OR2C1: variants seen among roughly 807,000 people sequenced by gnomAD.
OR2C1 encodes olfactory receptor family 2 subfamily C member 1.
For synonymous variants in OR2C1, 209 were observed against 167.3 expected (o/e 1.25, Z -1.92); for missense variants, 468 against 388.3 (o/e 1.21, Z -1.73).
upstream of OR2C1, among the ~76,000 whole-genome samples, chr16:3,354,069 C>A (rs67547123): frequency 0.27 from 40,620 of 150,898 alleles, 5,614 homozygotes; most frequent in African/African-American, 0.29. Flanking sequence ...CTGCAACTTC[C>A]GCCTCCCTGT....
the OR2C1 span, among the ~76,000 whole-genome samples, chr16:3,338,183 T>C: frequency 6.6e-6 from 1 of 152,166 alleles, no homozygotes; most frequent in Non-Finnish European, 1.5e-5. Context: ...ATCACTCTGA[T>C]TTGGTGTCTC....
the OR2C1 span, among the ~76,000 whole-genome samples, chr16:3,336,130 G>T: frequency 2.6e-5 from 4 of 152,120 alleles, no homozygotes. Context: ...ATCATAAAGA[G>T]ATGTTGAATT....
At chr16:3,331,326 A>G in the OR2C1 span, among the ~76,000 whole-genome samples, 1 of 151,374 alleles carries the variant, frequency 6.6e-6, no homozygotes, top group Non-Finnish European at 1.5e-5. Context: ...ATTTTCTCCC[A>G]TTTTGTAGGT....
the OR2C1 span, among the ~76,000 whole-genome samples, chr16:3,342,849 G>A: frequency 1.3e-5 from 2 of 152,080 alleles, no homozygotes; most frequent in Non-Finnish European, 1.5e-5. Context: ...TCTAGACTGG[G>A]CAACAAAGCA....
the OR2C1 span, among the ~76,000 whole-genome samples, chr16:3,326,842 T>C: frequency 6.6e-6 from 1 of 152,176 alleles, no homozygotes; most frequent in Non-Finnish European, 1.5e-5. Context: ...AGCCTTAGGA[T>C]GAAATCAGCA....
chr16:3,347,819 AAC>A, the OR2C1 span, among the ~76,000 whole-genome samples: 3 of 123,998 alleles, frequency 2.4e-5, no homozygotes, highest in East Asian at 3.1e-4. Context: ...TGCACACACG[AAC>A]ACACATGCAC....
the OR2C1 span, among the ~76,000 whole-genome samples, chr16:3,347,698 A>G: frequency 6.6e-6 from 1 of 152,142 alleles, no homozygotes; most frequent in African/African-American, 2.4e-5. Flanking sequence ...CAATATGCCT[A>G]GGATGTTCTT....
chr16:3,323,697 G>A, the OR2C1 span: 21 of 684,444 alleles, frequency 3.1e-5, no homozygotes, highest in Non-Finnish European at 3.9e-5. Context: ...TCCAAGGCAC[G>A]AGGTTTCATT....
At chr16:3,355,242 C>T (rs2030641850), upstream of OR2C1, among the ~76,000 whole-genome samples, 3 of 151,610 alleles carry the variant, frequency 2.0e-5, no homozygotes, top group African/African-American at 7.3e-5. Context: ...GCTGGCATAT[C>T]ACGAGGTCAG....
chr16:3,358,071 C>T (rs2030713733), downstream of OR2C1, among the ~76,000 whole-genome samples: 1 of 151,974 alleles, frequency 6.6e-6, no homozygotes, highest in Non-Finnish European at 1.5e-5. Flanking sequence ...TACCCTCTCC[C>T]TTATGCCTAT....
At chr16:3,357,695 T>A (rs1327664490), downstream of OR2C1, among the ~76,000 whole-genome samples, 1 of 152,122 alleles carries the variant, frequency 6.6e-6, no homozygotes, top group African/African-American at 2.4e-5. Flanking sequence ...AATAATGCAG[T>A]ATACCACTGG....
At chr16:3,334,104 C>G in the OR2C1 span, among the ~76,000 whole-genome samples, 2 of 151,482 alleles carry the variant, frequency 1.3e-5, no homozygotes, top group African/African-American at 4.9e-5. Flanking sequence ...TTCTGAGTAG[C>G]TGGAACTACG....
the OR2C1 span, among the ~76,000 whole-genome samples, chr16:3,350,241 A>C: frequency 6.7e-6 from 1 of 149,022 alleles, no homozygotes; most frequent in Non-Finnish European, 1.5e-5. Flanking sequence ...TTTTTAGTAG[A>C]GAGGGGGTTT....
the OR2C1 span, among the ~76,000 whole-genome samples, chr16:3,347,271 G>GC: frequency 7.3e-6 from 1 of 136,222 alleles, no homozygotes; most frequent in Non-Finnish European, 1.6e-5. Flanking sequence ...AAAAAAAGGA[G>GC]CCAAGGATGG....
chr16:3,358,034 A>G, downstream of OR2C1, among the ~76,000 whole-genome samples: 1 of 151,974 alleles, frequency 6.6e-6, no homozygotes, highest in East Asian at 1.9e-4. Flanking sequence ...CATACTTTCC[A>G]TCCATATATC....
the OR2C1 span, among the ~76,000 whole-genome samples, chr16:3,330,141 C>G: frequency 6.6e-6 from 1 of 152,004 alleles, no homozygotes; most frequent in Non-Finnish European, 1.5e-5. Context: ...GTGTCTCGCT[C>G]TGTTGCCCAG....
the OR2C1 span, among the ~76,000 whole-genome samples, chr16:3,349,947 G>T: frequency 1.3e-5 from 2 of 151,936 alleles, no homozygotes; most frequent in African/African-American, 2.4e-5. Flanking sequence ...TAGGCGAAAG[G>T]TTGGCGGTGA....
chr16:3,345,360 C>T, the OR2C1 span, among the ~76,000 whole-genome samples: 628 of 151,964 alleles, frequency 4.1e-3, 5 homozygotes, highest in African/African-American at 0.014. Flanking sequence ...ATGGCGGGCA[C>T]CTGTAGTCCC....
chr16:3,355,915 C>T lies in OR2C1; in HGVS notation c.-26C>T, dbSNP rs771867057. On this transcript the variant is annotated 5_prime_UTR_variant, in exon 1 of 1. Transcript: ENST00000304936. ...TCCAGCAGCTTGCGCTAAATGAATTCATCAAGTGACTGAAGACAACCAGTG... is the reference window on the plus strand; with the variant it reads ...TCCAGCAGCTTGCGCTAAATGAATTTATCAAGTGACTGAAGACAACCAGTG... The T allele has an allele frequency of 3.9e-6, 6 of 1,533,370 alleles. No individual in the cohort carries two copies. Among genetic ancestry groups the T allele is most frequent in the South Asian group, 3.7e-5 (3 of 81,966 alleles). 95.0% of individuals were successfully genotyped at this position (1,533,370 alleles called of 1,614,324 possible).
Sources: allele counts gnomAD v4.1 joint callset (sites outside exome capture counted in the v4.1 genomes callset), GRCh38; gene constraint gnomAD v4.1.1; transcripts MANE v1.5; gene names NCBI Gene and HGNC (gene_info 2026-07-23, HGNC 2026-07-21).